Variants in BRD10 observed in about 807,000 individuals in gnomAD.
BRD10 encodes the protein uncharacterized bromodomain-containing protein 10.
the BRD10 span, chr9:5,968,090 G>T: frequency 6.4e-7 from 1 of 1,564,876 alleles, no homozygotes; most frequent in Non-Finnish European, 8.7e-7. Context: ...AGGTTTGTAA[G>T]ACTTGAATGC....
At chr9:5,960,796 T>C in the BRD10 span, among the ~76,000 whole-genome samples, 4 of 152,160 alleles carry the variant, frequency 2.6e-5, no homozygotes, top group Non-Finnish European at 4.4e-5. Context: ...TAGTATATTA[T>C]TGAAAACAAC....
At chr9:5,954,990 A>C in the BRD10 span, among the ~76,000 whole-genome samples, 5 of 152,074 alleles carry the variant, frequency 3.3e-5, no homozygotes, top group Admixed American at 3.3e-4. Context: ...TGGGAGCCTG[A>C]GACAGGAGAA....
chr9:5,985,061 C>T, the BRD10 span, among the ~76,000 whole-genome samples: 1 of 151,950 alleles, frequency 6.6e-6, no homozygotes, highest in African/African-American at 2.4e-5. Flanking sequence ...AAAGATACAC[C>T]TATAGCTAAA....
At chr9:5,920,235 C>T in the BRD10 span, 22 of 1,613,684 alleles carry the variant, frequency 1.4e-5, no homozygotes, top group Middle Eastern at 1.6e-4. Context: ...ACTAAGGGGG[C>T]TCCATATTTT....
the BRD10 span, among the ~76,000 whole-genome samples, chr9:5,930,099 T>A: frequency 2.0e-5 from 3 of 149,916 alleles, no homozygotes; most frequent in African/African-American, 7.4e-5. Context: ...TACCATCACC[T>A]ACTGTTACAT....
chr9:5,927,384 C>T, the BRD10 span, among the ~76,000 whole-genome samples: 9 of 152,170 alleles, frequency 5.9e-5, no homozygotes, highest in Non-Finnish European at 1.3e-4. Context: ...TCTACTAAAT[C>T]ATTTCCATCA....
At chr9:6,008,161 C>A in the BRD10 span, 1 of 978,324 alleles carries the variant, frequency 1.0e-6, no homozygotes, top group Non-Finnish European at 1.2e-6. Flanking sequence ...CCCTCCCGGG[C>A]CAGCGGGGGG....
the BRD10 span, among the ~76,000 whole-genome samples, chr9:5,944,074 G>C: frequency 9.9e-5 from 15 of 152,052 alleles, no homozygotes; most frequent in Non-Finnish European, 2.2e-4. Flanking sequence ...CAGGTTCTGA[G>C]CATAGATCTA....
the BRD10 span, chr9:5,909,421 A>G: frequency 6.6e-6 from 1 of 152,272 alleles, no homozygotes; most frequent in East Asian, 1.9e-4. Context: ...ACTATGCCTG[A>G]CTAATTTTGT....
chr9:5,962,521 C>A, the BRD10 span, among the ~76,000 whole-genome samples: 1 of 37,268 alleles, frequency 2.7e-5, no homozygotes, highest in African/African-American at 1.2e-4. Flanking sequence ...CTATTCCAAT[C>A]AATAGAAAAA....
the BRD10 span, among the ~76,000 whole-genome samples, chr9:5,885,377 ATC>A: frequency 8.7e-5 from 6 of 68,592 alleles, no homozygotes; most frequent in Non-Finnish European, 1.8e-4. Flanking sequence ...GACGTATGTT[ATC>A]TCTTTTTTTT....
chr9:5,967,932 T>C, the BRD10 span: 1 of 808,662 alleles, frequency 1.2e-6, no homozygotes, highest in Non-Finnish European at 1.9e-6. Context: ...CATTTTACTC[T>C]CTCAATCAAA....
At chr9:5,920,071 A>C in the BRD10 span, 1 of 1,613,994 alleles carries the variant, frequency 6.2e-7, no homozygotes, top group Admixed American at 1.7e-5. Flanking sequence ...CTGTGGGTAT[A>C]GAACTTGCAT....
At chr9:5,922,292 G>A in the BRD10 span, 9 of 1,613,956 alleles carry the variant, frequency 5.6e-6, no homozygotes, top group Non-Finnish European at 7.6e-6. Flanking sequence ...TGATGACAGA[G>A]GCTGACCTGT....
chr9:5,952,183 G>A, the BRD10 span, among the ~76,000 whole-genome samples: 1 of 152,006 alleles, frequency 6.6e-6, no homozygotes. Flanking sequence ...ACCACACCCG[G>A]CTAATTTTTT....
chr9:5,977,444 G>A, the BRD10 span, among the ~76,000 whole-genome samples: 2 of 152,174 alleles, frequency 1.3e-5, no homozygotes, highest in Non-Finnish European at 2.9e-5. Flanking sequence ...CAGTAGTGTA[G>A]TAAATAGGGA....
At chr9:5,987,811 G>C in the BRD10 span, among the ~76,000 whole-genome samples, 800 of 152,206 alleles carry the variant, frequency 5.3e-3, 3 homozygotes, top group Non-Finnish European at 8.8e-3. Context: ...TCTGGGCCCT[G>C]GTTGTCTTTT....
the BRD10 span, among the ~76,000 whole-genome samples, chr9:5,950,281 A>C: frequency 6.6e-6 from 1 of 152,316 alleles, no homozygotes; most frequent in African/African-American, 2.4e-5. Context: ...TTTCCTATTC[A>C]TAATTCAGTG....
the BRD10 span, among the ~76,000 whole-genome samples, chr9:5,961,160 C>T: frequency 6.6e-6 from 1 of 152,108 alleles, no homozygotes; most frequent in African/African-American, 2.4e-5. Context: ...ATCCTTCTGT[C>T]CCTAAGAATG....
Sources: allele counts gnomAD v4.1 joint callset (sites outside exome capture counted in the v4.1 genomes callset), GRCh38; gene constraint gnomAD v4.1.1; transcripts MANE v1.5; gene names NCBI Gene and HGNC (gene_info 2026-07-23, HGNC 2026-07-21).